The following ZNF454 variants were observed in gnomAD, a reference collection of about 807,000 sequenced individuals.
The protein encoded by ZNF454 is zinc finger protein 454.
ZNF454 carries 30 observed loss-of-function variants against 48.2 expected under a neutral mutation model. The observed-to-expected ratio is 0.62, with a 90% CI of 0.47 to 0.84. The LOEUF (loss-of-function observed/expected upper bound fraction) is 0.84. ZNF454 is among the 40% of genes least tolerant of loss of function. The probability of loss-of-function intolerance (pLI) is 0.00; values close to 1 mark genes in which losing one functional copy is unlikely to be tolerated. For missense variants in ZNF454, 510 were observed against 623.1 expected (o/e 0.82, Z 1.93); for synonymous variants, 204 against 211.4 (o/e 0.97, Z 0.30).
chr5:178,957,432 C>T (rs1202862007), intron 4 of ZNF454, among the ~76,000 whole-genome samples: 5 of 150,436 alleles, frequency 3.3e-5, no homozygotes, highest in Admixed American at 1.3e-4. Flanking sequence ...TTTTTGGGGA[C>T]GAAGTCTTAC....
chr5:178,977,201 G>A, the ZNF454 span, among the ~76,000 whole-genome samples: 3 of 152,174 alleles, frequency 2.0e-5, no homozygotes, highest in Non-Finnish European at 4.4e-5. Flanking sequence ...GAATATTCAT[G>A]TTGCTCCAAA....
chr5:178,960,875 G>A (rs545224143), intron 4 of ZNF454, among the ~76,000 whole-genome samples: 1 of 149,710 alleles, frequency 6.7e-6, no homozygotes, highest in South Asian at 2.1e-4. Context: ...CTATATTTTT[G>A]GTATTTCTTT....
chr5:178,975,608 T>G, the ZNF454 span: 1 of 339,222 alleles, frequency 2.9e-6, no homozygotes, highest in South Asian at 2.2e-5. Flanking sequence ...AACCCTCCAG[T>G]GTCTCCTCTT....
At chr5:178,985,621 T>C in the ZNF454 span, 84 of 360,344 alleles carry the variant, frequency 2.3e-4, 1 homozygote, top group East Asian at 5.6e-4. Context: ...GAGAATGGCG[T>C]GAACCCGGAA....
the ZNF454 span, chr5:178,983,171 A>C: frequency 6.2e-7 from 1 of 1,613,822 alleles, no homozygotes. Context: ...CCTCATAGTC[A>C]ATCACGCTGT....
At chr5:178,959,582 A>G (rs140235766) in intron 4 of ZNF454, among the ~76,000 whole-genome samples, 1 of 152,282 alleles carries the variant, frequency 6.6e-6, no homozygotes, top group Non-Finnish European at 1.5e-5. Flanking sequence ...TTTGAGGTCA[A>G]ATGTGTTTAT....
chr5:178,981,610 G>C, the ZNF454 span: 2 of 1,443,100 alleles, frequency 1.4e-6, no homozygotes, highest in African/African-American at 2.8e-5. This position sits in a 1 kb window ranked among gnomAD's most constrained non-coding sequence, Gnocchi z 5.1. Flanking sequence ...CTCGAGGCAA[G>C]AGGAAGAAAG....
chr5:178,950,884 A>G (rs1759529071), intron 4 of ZNF454, among the ~76,000 whole-genome samples: 2 of 146,056 alleles, frequency 1.4e-5, no homozygotes, highest in Non-Finnish European at 3.0e-5. Context: ...TTGAGACAAG[A>G]GTTTCGCTCT....
chr5:178,969,879 A>C (rs981024293), downstream of ZNF454, among the ~76,000 whole-genome samples: 1 of 152,122 alleles, frequency 6.6e-6, no homozygotes. Context: ...GAAAAAAAAC[A>C]GTTGCTTTGG....
At chr5:178,972,663 C>G in the ZNF454 span, among the ~76,000 whole-genome samples, 1 of 152,254 alleles carries the variant, frequency 6.6e-6, no homozygotes, top group East Asian at 1.9e-4. Flanking sequence ...ACCCCAGGCC[C>G]GACGCAGCTG....
intron 4 of ZNF454, among the ~76,000 whole-genome samples, chr5:178,948,577 A>G (rs921491160): frequency 3.5e-4 from 54 of 152,192 alleles, no homozygotes; most frequent in Admixed American, 3.5e-3. Context: ...ATGAAGGTAC[A>G]GCCAACCACA....
At chr5:178,970,210 T>G (rs1415738535), downstream of ZNF454, among the ~76,000 whole-genome samples, 1 of 152,142 alleles carries the variant, frequency 6.6e-6, no homozygotes, top group East Asian at 1.9e-4. Context: ...CCTTATCTGA[T>G]TCCTCTCCTT....
intron 4 of ZNF454, among the ~76,000 whole-genome samples, chr5:178,960,002 G>A (rs1759939906): frequency 6.6e-6 from 1 of 150,832 alleles, no homozygotes; most frequent in Admixed American, 6.7e-5. Context: ...AGGCTGGAGT[G>A]CAGTGGTGTG....
chr5:178,989,120 C>A, the ZNF454 span: 1 of 1,613,972 alleles, frequency 6.2e-7, no homozygotes, highest in Non-Finnish European at 8.5e-7. Flanking sequence ...GGAGTCCCGG[C>A]CGATGCGTTC....
At chr5:178,968,265 C>G (rs920718868), downstream of ZNF454, among the ~76,000 whole-genome samples, 1 of 152,090 alleles carries the variant, frequency 6.6e-6, no homozygotes, top group African/African-American at 2.4e-5. Context: ...AGTGAAGTGG[C>G]AAGTTCCTGG....
the ZNF454 span, chr5:178,979,433 GT>G: frequency 6.6e-6 from 1 of 152,168 alleles, no homozygotes; most frequent in Non-Finnish European, 1.5e-5. Flanking sequence ...ACCCAGAATG[GT>G]GCATGCTGTG....
chr5:178,982,705 GAAA>G, the ZNF454 span: 14 of 360,566 alleles, frequency 3.9e-5, no homozygotes, highest in African/African-American at 2.0e-4. Context: ...AAAAAAAAAA[GAAA>G]AAAAGAAGAG....
chr5:178,979,737 G>C, the ZNF454 span: 2 of 152,246 alleles, frequency 1.3e-5, no homozygotes, highest in African/African-American at 4.8e-5. Flanking sequence ...CTAGAAGCCA[G>C]AGCGCACTGC....
At chr5:178,959,962 T>C in intron 4 of ZNF454, among the ~76,000 whole-genome samples, 1 of 151,142 alleles carries the variant, frequency 6.6e-6, no homozygotes, top group South Asian at 2.1e-4. Flanking sequence ...TTTTTTTTGT[T>C]TTTTGAGACA....
Sources: gnomAD v4.1 joint callset for allele counts (sites outside exome capture counted in the v4.1 genomes callset) on GRCh38, gnomAD v4.1.1 for gene constraint, Gnocchi (gnomAD v3.1) non-coding constraint, MANE v1.5 for transcripts, NCBI Gene and HGNC (gene_info 2026-07-23, HGNC 2026-07-21) for gene names.